Variants in BCL9 observed in about 807,000 individuals in gnomAD.
The protein encoded by BCL9 is BCL9 transcription coactivator.
A neutral mutation model predicts 88.5 loss-of-function variants in BCL9; 25 were observed. That is an observed-to-expected ratio of 0.28 (90% CI 0.21 to 0.39). The LOEUF (loss-of-function observed/expected upper bound fraction) is 0.39. Ranked by LOEUF, BCL9 falls within the 10% of genes least tolerant of loss-of-function variation. The pLI is 1.00. For missense variants in BCL9, 1,817 were observed against 1,877.8 expected (o/e 0.97, Z 0.60); for synonymous variants, 711 against 673.3 (o/e 1.06, Z -0.87).
chr1:147,583,294 T>C (rs1656450194), intron 1 of BCL9, among the ~76,000 whole-genome samples: 1 of 152,154 alleles, frequency 6.6e-6, no homozygotes, highest in Non-Finnish European at 1.5e-5. Flanking sequence ...TTTACTTTTT[T>C]TGAGATGGAC....
chr1:147,620,825 G>C lies in BCL9; in HGVS notation c.2670G>C (p.Ser890=). The change falls in exon 8 of 10, where the codon TCG becomes TCC. Residue 890 remains serine, a synonymous_variant. Transcript: ENST00000234739. The stretch of plus-strand genomic sequence containing the variant: ...ACCTCAAGTCCCCCCAGACTCCATC[G>C]CAGCTGGCAGGCATGCTGGCGGGCC... ...SGNLKSPQTP[S]QLAGMLAGPA... 1 of 1,614,144 alleles carries C rather than the reference G, an allele frequency of 6.2e-7. No individual in the cohort carries two copies. The highest frequency in any genetic ancestry group is 1.7e-5 in the Admixed American group (1 of 60,030).
intron 7 of BCL9, 39 bp downstream of exon 7, chr1:147,615,941 C>T: frequency 2.6e-6 from 4 of 1,551,616 alleles, no homozygotes; most frequent in Non-Finnish European, 3.6e-6. Context: ...TTTAATGATT[C>T]TACAGTGACT....
At chr1:147,608,259 G>A (rs185226159) in intron 3 of BCL9, among the ~76,000 whole-genome samples, 56 of 151,236 alleles carry the variant, frequency 3.7e-4, no homozygotes, top group African/African-American at 1.3e-3. Flanking sequence ...AGTGAACCCT[G>A]TGTCTCGTCA....
chr1:147,605,264 TTGAG>T (rs1271377373), intron 2 of BCL9, among the ~76,000 whole-genome samples: 4 of 152,216 alleles, frequency 2.6e-5, no homozygotes, highest in African/African-American at 4.8e-5. Flanking sequence ...ACAGCATTGA[TTGAG>T]TTTCTTCCAG....
chr1:147,624,425 G>A lies in BCL9; in HGVS notation c.3747G>A (p.Leu1249=). The change falls in exon 10 of 10, where the codon CTG becomes CTA. Residue 1249 remains leucine, a synonymous_variant. Transcript: ENST00000234739. This position sits in a 1 kb window ranked among gnomAD's most constrained non-coding sequence, Gnocchi z 4.4. ...CATCTGAGAAGCCCAGCCAGACGCTGCAATATTTCCCTCGAGGGGAAGTTC... is the reference window on the plus strand; with the variant it reads ...CATCTGAGAAGCCCAGCCAGACGCTACAATATTTCCCTCGAGGGGAAGTTC... ...IIPSEKPSQT[L]QYFPRGEVPG... is the part of the protein sequence containing the mutation. The A allele has an allele frequency of 6.2e-7, 1 of 1,614,212 alleles. No homozygotes were observed. Among genetic ancestry groups the A allele is most frequent in the Non-Finnish European group, 8.5e-7 (1 of 1,180,036 alleles).
chr1:147,609,143 G>A (rs1657875524), intron 3 of BCL9, among the ~76,000 whole-genome samples: 1 of 152,134 alleles, frequency 6.6e-6, no homozygotes, highest in Non-Finnish European at 1.5e-5. Context: ...ATGTAGTTAT[G>A]TTGGGGGAAA....
Position 147,625,408 on chromosome 1 carries a change from T to C in BCL9, c.*449T>C. 4.3e-6 allele frequency: 1 copy of C among 231,386 alleles called. No individual in the cohort carries two copies. The highest frequency in any genetic ancestry group is 8.6e-6 in the Non-Finnish European group (1 of 116,682). 14.3% of individuals were successfully genotyped at this position (231,386 alleles called of 1,614,324 possible). On this transcript the variant is annotated 3_prime_UTR_variant, in exon 10 of 10. Coordinates refer to ENST00000234739, the MANE Select transcript of BCL9 (RefSeq NM_004326.4). Reference sequence around the variant, plus strand: ...GTAAAAGGGATTTTAGCAGAGACTTTAGTCTTTGGGGCAAGAGGAGAACAG... The same window carrying C: ...GTAAAAGGGATTTTAGCAGAGACTTCAGTCTTTGGGGCAAGAGGAGAACAG...
intron 1 of BCL9, among the ~76,000 whole-genome samples, chr1:147,594,487 A>C (rs1310292201): frequency 1.3e-5 from 2 of 152,204 alleles, no homozygotes; most frequent in Non-Finnish European, 2.9e-5. Flanking sequence ...AGTAGATAGA[A>C]ATGCAGGATT....
intron 4 of BCL9, 56 bp downstream of exon 4, chr1:147,611,945 T>C (rs677977): frequency 0.69 from 1,049,268 of 1,524,038 alleles, 361,824 homozygotes; most frequent in East Asian, 0.76. Flanking sequence ...CATAGGCACA[T>C]CATGAACACT....
intron 2 of BCL9, among the ~76,000 whole-genome samples, chr1:147,605,636 G>T (rs1047252695): frequency 4.6e-5 from 7 of 152,162 alleles, no homozygotes. Context: ...TTGGACCAAG[G>T]TTTTCTCTAC....
intron 1 of BCL9, among the ~76,000 whole-genome samples, chr1:147,599,248 T>C (rs1481801774): frequency 2.0e-5 from 3 of 152,118 alleles, no homozygotes. Context: ...GGGGCTGCTC[T>C]CCTGCGAGGG....
intron 1 of BCL9, among the ~76,000 whole-genome samples, chr1:147,557,251 GACT>G (rs1553195551): frequency 6.6e-6 from 1 of 152,026 alleles, no homozygotes; most frequent in Non-Finnish European, 1.5e-5. Flanking sequence ...TTTTATAATG[GACT>G]AGATACATTC....
chr1:147,604,387 C>G (rs1184607170), intron 1 of BCL9, among the ~76,000 whole-genome samples: 3 of 152,212 alleles, frequency 2.0e-5, no homozygotes, highest in Non-Finnish European at 4.4e-5. Flanking sequence ...AGCATCTCCA[C>G]TATGCTAAGA....
intron 1 of BCL9, among the ~76,000 whole-genome samples, chr1:147,553,143 C>T (rs1471904130): frequency 6.6e-6 from 1 of 152,080 alleles, no homozygotes; most frequent in Non-Finnish European, 1.5e-5. Flanking sequence ...GTTTCTACAT[C>T]CGAATCCTGT....
chr1:147,592,652 T>C (rs1553200051), intron 1 of BCL9, among the ~76,000 whole-genome samples: 2 of 152,052 alleles, frequency 1.3e-5, no homozygotes, highest in African/African-American at 4.8e-5. Context: ...ATGTTGGGTG[T>C]GAGAATGAGT....
At position 147,622,313 on chromosome 1, in the gene BCL9, A is replaced by C; in HGVS notation, c.2945A>C (p.Asn982Thr). ...ACAGCCAGCCAGCCTGCCTCTGTGA[A>C]TATCCCTGGAAGTCTTCCCTCTAGT... ...PPTASQPASV[N>T]IPGSLPSSTP... The change falls in exon 9 of 10, where the codon AAT (asparagine) becomes ACT (threonine). Residue 982 changes from asparagine (N) to threonine (T), a missense_variant. Transcript: ENST00000234739. 2 of 1,614,140 alleles carry C rather than the reference A, an allele frequency of 1.2e-6. No homozygotes were observed. The highest frequency in any genetic ancestry group is 1.7e-6 in the Non-Finnish European group (2 of 1,180,022).
At chr1:147,615,049 G>A (rs952918374) in intron 6 of BCL9, among the ~76,000 whole-genome samples, 3 of 151,826 alleles carry the variant, frequency 2.0e-5, no homozygotes, top group African/African-American at 4.8e-5. Flanking sequence ...CCATGTTGGC[G>A]AGGCTGGTCT....
intron 1 of BCL9, among the ~76,000 whole-genome samples, chr1:147,557,756 C>A (rs971321775): frequency 6.6e-6 from 1 of 152,040 alleles, no homozygotes; most frequent in African/African-American, 2.4e-5. Context: ...CCATAGGATC[C>A]CATGGGTGCA....
chr1:147,586,187 G>A lies in BCL9; in HGVS notation c.-477-18590G>A, dbSNP rs1656593406. ...GCCCAGCTTAGCTCCCTAAAGTCAT[G>A]TGTGACTCAGCCTTTCCACCCACTT... On this transcript the variant is annotated intron_variant, in intron 1 of 9. Transcript: ENST00000234739. Among the ~76,000 whole-genome samples the A allele has an allele frequency of 2.0e-5, 3 of 152,072 alleles. 1 individual carries two copies. Among genetic ancestry groups the A allele is most frequent in the East Asian group, 3.9e-4 (2 of 5,182 alleles).
Sources: gnomAD v4.1 joint callset for allele counts (sites outside exome capture counted in the v4.1 genomes callset) on GRCh38, gnomAD v4.1.1 for gene constraint, Gnocchi (gnomAD v3.1) non-coding constraint, MANE v1.5 for transcripts, NCBI Gene and HGNC (gene_info 2026-07-23, HGNC 2026-07-21) for gene names.